Variants in CKAP5 observed in about 807,000 individuals in gnomAD.
The protein encoded by CKAP5 is cytoskeleton-associated protein 5.
In CKAP5, 27 loss-of-function variants were observed where a neutral mutation model predicts 232.8. The observed-to-expected ratio is 0.12, with a 90% CI of 0.09 to 0.16. The LOEUF is 0.16. Ranked by LOEUF, CKAP5 falls within the 10% of genes least tolerant of loss-of-function variation. The probability of loss-of-function intolerance (pLI) is 1.00; values close to 1 mark genes in which losing one functional copy is unlikely to be tolerated. For missense variants in CKAP5, 1,838 were observed against 2,424.7 expected (o/e 0.76, Z 5.08); for synonymous variants, 785 against 841.1 (o/e 0.93, Z 1.16).
chr11:46,825,638 C>CT (rs1000270327), intron 1 of CKAP5, among the ~76,000 whole-genome samples: 7 of 151,948 alleles, frequency 4.6e-5, no homozygotes, highest in African/African-American at 1.7e-4. Flanking sequence ...TCACCTCTGG[C>CT]TAAGGAGATG....
At chr11:46,827,788 T>G (rs1281908540) in intron 1 of CKAP5, among the ~76,000 whole-genome samples, 1 of 152,216 alleles carries the variant, frequency 6.6e-6, no homozygotes, top group East Asian at 1.9e-4. Context: ...GAAGAGTTCT[T>G]AAGAAAATTG....
intron 1 of CKAP5, among the ~76,000 whole-genome samples, chr11:46,833,167 G>A (rs1360143174): frequency 2.0e-5 from 3 of 151,946 alleles, no homozygotes; most frequent in Non-Finnish European, 4.4e-5. Flanking sequence ...GTTCAGGGAA[G>A]GTCTCCCTGT....
chr11:46,816,283 C>G lies in CKAP5; in HGVS notation c.373G>C (p.Val125Leu). The G allele has an allele frequency of 6.2e-7, 1 of 1,614,136 alleles. No individual in the cohort carries two copies. The highest frequency in any genetic ancestry group is 8.5e-7 in the Non-Finnish European group (1 of 1,179,996). The stretch of plus-strand genomic sequence containing the variant: ...AAGCCTTTCAGGAGCTCTTCTTGAA[C>G]AGCCTCTCCTTTCTCAATCTCTATG... ...MYIEIEKGEAVQEELLKGLDN... is the reference protein window; with the variant it reads ...MYIEIEKGEALQEELLKGLDN... The change falls in exon 4 of 44, where the codon GTT becomes CTT. Residue 125 changes from valine (V) to leucine (L), a missense_variant. Physicochemically the swap from Val to Leu is conservative, Grantham distance 32 (BLOSUM62 1). Transcript: ENST00000529230.
chr11:46,773,725 G>A (rs2065268919), intron 24 of CKAP5, among the ~76,000 whole-genome samples: 1 of 151,658 alleles, frequency 6.6e-6, no homozygotes, highest in African/African-American at 2.4e-5. Flanking sequence ...TGTATTTTTA[G>A]TAGAGACAGG....
At chr11:46,841,462 A>C (rs1179873766) in intron 1 of CKAP5, among the ~76,000 whole-genome samples, 2 of 152,210 alleles carry the variant, frequency 1.3e-5, no homozygotes, top group African/African-American at 4.8e-5. Flanking sequence ...AATTGGCGTC[A>C]GAATTGGGAT....
At chr11:46,807,744 A>G (rs1939190104) in intron 8 of CKAP5, among the ~76,000 whole-genome samples, 1 of 152,256 alleles carries the variant, frequency 6.6e-6, no homozygotes. Flanking sequence ...ATAGAATTAT[A>G]AAACTGGAAA....
In CKAP5 at chr11:46,839,494, C is replaced by T. The variant is rs185884479; in HGVS notation, c.-38+6726G>A. Among the ~76,000 whole-genome samples, 29 of 152,262 alleles carry T rather than the reference C, an allele frequency of 1.9e-4. No homozygotes were observed. The East Asian group carries it at 2.9e-3, about 15-fold the overall frequency. ...TTAGATTAAGAACTCAATTTTTATG[C>T]GTCCCTTTAGCTACCCACCGCCACC... On this transcript the variant is annotated intron_variant, in intron 1 of 43. Transcript: ENST00000529230.
intron 1 of CKAP5, among the ~76,000 whole-genome samples, chr11:46,833,922 T>A (rs990651313): frequency 2.0e-5 from 3 of 151,532 alleles, no homozygotes; most frequent in Non-Finnish European, 4.4e-5. Context: ...CAGGCTGGAG[T>A]GCAATGGCAC....
chr11:46,752,921 G>A (rs539264855), intron 37 of CKAP5, among the ~76,000 whole-genome samples: 9 of 152,162 alleles, frequency 5.9e-5, no homozygotes, highest in Admixed American at 1.3e-4. Context: ...TAAGGTTTGT[G>A]ACTCTATTTT....
At chr11:46,828,854 G>T (rs971743992) in intron 1 of CKAP5, among the ~76,000 whole-genome samples, 5 of 152,082 alleles carry the variant, frequency 3.3e-5, no homozygotes, top group Non-Finnish European at 5.9e-5. Context: ...CCAAAGATGG[G>T]GTGGGGGTGT....
At position 46,839,298 on chromosome 11, in the gene CKAP5, CAA is replaced by C. The variant is rs1489858584; in HGVS notation, c.-38+6920_-38+6921del. ...AAGTGAGAAGTTCCAGAACAGAATG[CAA>C]AGACCGAAAAGAATAAGCGTAATGT... On this transcript the variant is annotated intron_variant, in intron 1 of 43. Transcript: ENST00000529230. Among the ~76,000 whole-genome samples the C allele has an allele frequency of 2.0e-5, 3 of 152,166 alleles. No individual in the cohort carries two copies. The East Asian group carries it at 5.8e-4, about 29-fold the overall frequency.
chr11:46,830,269 G>T (rs1313966881), intron 1 of CKAP5, among the ~76,000 whole-genome samples: 8 of 151,606 alleles, frequency 5.3e-5, no homozygotes, highest in Non-Finnish European at 1.5e-5. Context: ...GTGAAACCCC[G>T]TCTCTACTAA....
intron 40 of CKAP5, 31 bp from the exon 41 acceptor site, chr11:46,750,642 G>A: frequency 6.4e-7 from 1 of 1,551,362 alleles, no homozygotes; most frequent in Non-Finnish European, 8.9e-7. Context: ...GGAAGAATTG[G>A]TTAGACTTGA....
At chr11:46,791,218 ACC>A (rs1938708761) in intron 13 of CKAP5, among the ~76,000 whole-genome samples, 1 of 151,320 alleles carries the variant, frequency 6.6e-6, no homozygotes, top group Admixed American at 6.6e-5. Flanking sequence ...ACATCCTGAT[ACC>A]TTTATTTTTT....
At chr11:46,832,644 G>A (rs926113111) in intron 1 of CKAP5, among the ~76,000 whole-genome samples, 2 of 152,162 alleles carry the variant, frequency 1.3e-5, no homozygotes, top group Admixed American at 6.5e-5. Context: ...CACTTCACAT[G>A]TATTTACTCA....
At chr11:46,764,977 A>C (rs1288943223) in intron 28 of CKAP5, among the ~76,000 whole-genome samples, 154 bp downstream of exon 28, 2 of 152,214 alleles carry the variant, frequency 1.3e-5, no homozygotes, top group Non-Finnish European at 2.9e-5. Flanking sequence ...CTTTTGTAGG[A>C]ATTAATGCTC....
intron 35 of CKAP5, among the ~76,000 whole-genome samples, chr11:46,757,304 T>C (rs902436897): frequency 2.7e-5 from 4 of 150,572 alleles, no homozygotes; most frequent in African/African-American, 7.3e-5. Flanking sequence ...ACCAGCCTGG[T>C]CAACCTGGTG....
chr11:46,797,387 C>CA (rs1938902784), intron 11 of CKAP5, among the ~76,000 whole-genome samples: 2 of 133,882 alleles, frequency 1.5e-5, no homozygotes, highest in Admixed American at 7.6e-5. Context: ...AAAACAACAA[C>CA]AACAAAAAAA....
In CKAP5 at chr11:46,762,831, C is replaced by T; in HGVS notation, c.3892-69G>A. ...GTAGCAATGATTCTCCCATGCATTACTATGTTTTGAAAGAATAGGGAAATA... is the reference window on the plus strand; with the variant it reads ...GTAGCAATGATTCTCCCATGCATTATTATGTTTTGAAAGAATAGGGAAATA... On this transcript the variant is annotated intron_variant, in intron 30 of 43. Transcript: ENST00000529230. 2.6e-6 allele frequency: 4 copies of T among 1,537,864 alleles called. No individual in the cohort carries two copies. In the South Asian group the frequency reaches 3.4e-5, roughly 13 times the overall value.
Sources: gnomAD v4.1 joint callset for allele counts (sites outside exome capture counted in the v4.1 genomes callset) on GRCh38, gnomAD v4.1.1 for gene constraint, MANE v1.5 for transcripts, NCBI Gene and HGNC (gene_info 2026-07-23, HGNC 2026-07-21) for gene names.